NRCAM: variants seen among roughly 807,000 people sequenced by gnomAD.
NRCAM encodes neuronal cell adhesion molecule.
A neutral mutation model predicts 156.5 loss-of-function variants in NRCAM; 83 were observed. The observed-to-expected ratio is 0.53, with a 90% CI of 0.44 to 0.64. The LOEUF is 0.64. Among genes scored for constraint, NRCAM ranks in the 30% least tolerant of loss-of-function variants. NRCAM has a pLI of 0.00. For missense variants in NRCAM, 1,417 were observed against 1,597.3 expected, an observed-to-expected ratio of 0.89 and a Z score of 1.92; for synonymous variants, 538 against 563.9, an observed-to-expected ratio of 0.95 and a Z score of 0.65.
At chr7:108,241,507 G>C (rs746064696) in intron 3 of NRCAM, among the ~76,000 whole-genome samples, 1 of 152,126 alleles carries the variant, frequency 6.6e-6, no homozygotes, top group Non-Finnish European at 1.5e-5. Context: ...TTGAAGTACT[G>C]AATTATTTAT....
chr7:108,282,396 A>G (rs995975313), intron 3 of NRCAM, among the ~76,000 whole-genome samples: 1 of 152,198 alleles, frequency 6.6e-6, no homozygotes, highest in Admixed American at 6.5e-5. Flanking sequence ...CCAGAAACAT[A>G]TAACACTGGG....
intron 1 of NRCAM, among the ~76,000 whole-genome samples, chr7:108,438,552 T>C (rs1834893658): frequency 6.6e-6 from 1 of 152,116 alleles, no homozygotes. Flanking sequence ...ACATACCTAA[T>C]ATGAAAGGGT....
At chr7:108,350,856 T>G (rs2099407156) in intron 2 of NRCAM, among the ~76,000 whole-genome samples, 2 of 152,226 alleles carry the variant, frequency 1.3e-5, no homozygotes, top group Admixed American at 6.5e-5. Context: ...CATCTTTCTT[T>G]TCATGATCTT....
chr7:108,250,474 G>T (rs1030572770), intron 3 of NRCAM, among the ~76,000 whole-genome samples: 2 of 139,100 alleles, frequency 1.4e-5, no homozygotes, highest in Admixed American at 7.3e-5. Flanking sequence ...CCTGTCATTT[G>T]TAACAACAAA....
chr7:108,178,748 T>A (rs985333492), intron 25 of NRCAM, among the ~76,000 whole-genome samples: 2 of 152,208 alleles, frequency 1.3e-5, no homozygotes, highest in African/African-American at 4.8e-5. Context: ...TGTCTGCTCA[T>A]CTTTTATTCA....
intron 11 of NRCAM, among the ~76,000 whole-genome samples, chr7:108,210,126 TA>T (rs780160933): frequency 6.6e-6 from 1 of 152,220 alleles, no homozygotes; most frequent in Non-Finnish European, 1.5e-5. Context: ...GTTAACTAAG[TA>T]ATAAGGGAAA....
At chr7:108,233,995 T>C (rs1330639818) in intron 6 of NRCAM, among the ~76,000 whole-genome samples, 2 of 152,214 alleles carry the variant, frequency 1.3e-5, no homozygotes, top group African/African-American at 4.8e-5. Flanking sequence ...TGATCTAAAA[T>C]GCTATGCAAG....
intron 3 of NRCAM, among the ~76,000 whole-genome samples, chr7:108,256,589 C>T (rs1562978165): frequency 6.6e-6 from 1 of 151,870 alleles, no homozygotes; most frequent in Non-Finnish European, 1.5e-5. Context: ...TGCCAAATCC[C>T]CCTCTCCGAG....
chr7:108,157,872 T>C (rs1198973134), intron 32 of NRCAM, among the ~76,000 whole-genome samples: 2 of 152,182 alleles, frequency 1.3e-5, no homozygotes, highest in East Asian at 3.8e-4. Context: ...AGGACAATGC[T>C]TTATTTCCAA....
intron 3 of NRCAM, among the ~76,000 whole-genome samples, chr7:108,244,702 A>T (rs572931123): frequency 6.6e-6 from 1 of 152,224 alleles, no homozygotes; most frequent in East Asian, 1.9e-4. Context: ...AGAAGCTTTA[A>T]GGACCACGTT....
intron 3 of NRCAM, among the ~76,000 whole-genome samples, chr7:108,242,535 G>T (rs901934749): frequency 3.3e-5 from 5 of 152,164 alleles, no homozygotes; most frequent in Non-Finnish European, 5.9e-5. Context: ...GGTCTCTCGT[G>T]AGTTTTTGGT....
intron 1 of NRCAM, among the ~76,000 whole-genome samples, chr7:108,448,726 C>T (rs921539154): frequency 6.6e-6 from 1 of 152,002 alleles, no homozygotes; most frequent in Non-Finnish European, 1.5e-5. Context: ...AATGGAAAAC[C>T]ATGTGCCATA....
At chr7:108,357,599 G>A (rs1002390153) in intron 2 of NRCAM, among the ~76,000 whole-genome samples, 2 of 151,972 alleles carry the variant, frequency 1.3e-5, no homozygotes, top group Non-Finnish European at 2.9e-5. Context: ...CCAAAATGCT[G>A]GGATTACAGG....
chr7:108,292,286 AT>A (rs1048703217), intron 3 of NRCAM, among the ~76,000 whole-genome samples: 1 of 152,182 alleles, frequency 6.6e-6, no homozygotes, highest in Admixed American at 6.5e-5. Context: ...GTAAAATAAT[AT>A]GTCCAAGTTT....
rs1054630219 is a variant in NRCAM at position 108,383,431 on chromosome 7, G to A, written c.-174+16005C>T. On this transcript the variant is annotated intron_variant, in intron 2 of 32. Transcript: ENST00000379028. ...AAATAAGATACGGAGAAGGCAGCAC[G>A]ACAGCCAGAACGATACTTCCATTTC... Among the ~76,000 whole-genome samples the A allele has an allele frequency of 2.6e-5, 4 of 152,174 alleles. No homozygotes were observed. The East Asian group carries it at 5.8e-4, about 22-fold the overall frequency.
At chr7:108,429,434 C>T (rs1422437399) in intron 1 of NRCAM, among the ~76,000 whole-genome samples, 2 of 152,198 alleles carry the variant, frequency 1.3e-5, no homozygotes, top group Non-Finnish European at 2.9e-5. Flanking sequence ...TCAGGTAATC[C>T]ACCCATCTTT....
intron 13 of NRCAM, among the ~76,000 whole-genome samples, chr7:108,203,440 A>C (rs1001780310): frequency 1.3e-5 from 1 of 77,136 alleles, no homozygotes; most frequent in Non-Finnish European, 2.4e-5. Context: ...TTTGGAGTTA[A>C]TTTTTCCAGT....
At chr7:108,378,412 G>A (rs2099685430) in intron 2 of NRCAM, among the ~76,000 whole-genome samples, 1 of 151,778 alleles carries the variant, frequency 6.6e-6, no homozygotes, top group Non-Finnish European at 1.5e-5. Context: ...CTACCACACT[G>A]GAACAGAGAC....
intron 3 of NRCAM, among the ~76,000 whole-genome samples, chr7:108,301,806 G>T: frequency 6.6e-6 from 1 of 152,046 alleles, no homozygotes. Flanking sequence ...TTAAAAGTAT[G>T]ATTTGGTGCA....
Sources: allele counts gnomAD v4.1 joint callset (sites outside exome capture counted in the v4.1 genomes callset), GRCh38; gene constraint gnomAD v4.1.1; transcripts MANE v1.5; gene names NCBI Gene and HGNC (gene_info 2026-07-23, HGNC 2026-07-21).